WNT7B: variants seen among roughly 807,000 people sequenced by gnomAD.
WNT7B encodes Wnt family member 7B, also known as protein Wnt-7b.
WNT7B carries 19 observed loss-of-function variants against 38.2 expected under a neutral mutation model. The observed-to-expected ratio is 0.50, with a 90% CI of 0.35 to 0.73. The LOEUF (loss-of-function observed/expected upper bound fraction) is 0.73. WNT7B is among the 30% of genes least tolerant of loss of function. The pLI is 0.01. For synonymous variants in WNT7B, 243 were observed against 209.3 expected (o/e 1.16, Z -1.39); for missense variants, 423 against 507.9 (o/e 0.83, Z 1.61).
At chr22:45,973,151 C>A (rs572968775) in intron 1 of WNT7B, among the ~76,000 whole-genome samples, 73 of 152,348 alleles carry the variant, frequency 4.8e-4, no homozygotes, top group African/African-American at 1.8e-3. Flanking sequence ...TCTGGCTTCC[C>A]CATCCTGCTT....
intron 2 of WNT7B, among the ~76,000 whole-genome samples, chr22:45,941,724 T>C (rs1601725506): frequency 6.6e-6 from 1 of 152,208 alleles, no homozygotes; most frequent in Middle Eastern, 3.4e-3. Flanking sequence ...TGTCCCAGCA[T>C]TGCCCAGCCC....
At chr22:45,943,654 C>A (rs751654117) in intron 2 of WNT7B, among the ~76,000 whole-genome samples, 1 of 152,110 alleles carries the variant, frequency 6.6e-6, no homozygotes. Flanking sequence ...TGAGAGCCTG[C>A]GGGCTTCTCT....
chr22:45,924,820 G>C (rs1033342622), intron 3 of WNT7B, among the ~76,000 whole-genome samples: 4 of 150,200 alleles, frequency 2.7e-5, no homozygotes, highest in African/African-American at 2.5e-5. Flanking sequence ...GGGCCCAAAG[G>C]CTCATCAGGC....
At chr22:45,929,736 C>G (rs1931253982) in intron 3 of WNT7B, among the ~76,000 whole-genome samples, 1 of 136,482 alleles carries the variant, frequency 7.3e-6, no homozygotes, top group African/African-American at 2.8e-5. Flanking sequence ...ACCCATCCAC[C>G]CACCGATCCA....
intron 3 of WNT7B, among the ~76,000 whole-genome samples, chr22:45,930,457 G>GCGGCTGCTCCTCC (rs1931305857): frequency 1.3e-5 from 2 of 152,244 alleles, no homozygotes; most frequent in African/African-American, 4.8e-5. Context: ...TTGCCGCCGT[G>GCGGCTGCTCCTCC]CAGCTGCTCC....
At chr22:45,929,641 C>T (rs1931238959) in intron 3 of WNT7B, among the ~76,000 whole-genome samples, 2 of 91,906 alleles carry the variant, frequency 2.2e-5, no homozygotes, top group Non-Finnish European at 4.5e-5. Context: ...TCCATGCATC[C>T]ACTCATCCAT....
In WNT7B at chr22:45,966,039, C is replaced by G. The variant is rs747026839; in HGVS notation, c.71+10645G>C. ...CTGCACCCTGACCTCGTCTTCCTCA[C>G]TCCACCACCTACCAAGGCAGACGGG... On this transcript the variant is annotated intron_variant, in intron 1 of 3. Coordinates refer to ENST00000339464, the MANE Select transcript of WNT7B (RefSeq NM_058238.3). The surrounding 1 kb of genome is among the most constrained non-coding windows in gnomAD (Gnocchi z 4.2). Among the ~76,000 whole-genome samples the G allele has an allele frequency of 6.6e-6, 1 of 152,188 alleles. No homozygotes were observed. The highest frequency in any genetic ancestry group is 1.5e-5 in the Non-Finnish European group (1 of 68,032).
intron 1 of WNT7B, among the ~76,000 whole-genome samples, chr22:45,969,132 G>A (rs1932374330): frequency 1.3e-5 from 2 of 152,242 alleles, no homozygotes; most frequent in South Asian, 4.1e-4. Context: ...TGGGACTGTG[G>A]CTGGCACCGC....
At chr22:45,928,041 C>T (rs1931148636) in intron 3 of WNT7B, among the ~76,000 whole-genome samples, 2 of 152,206 alleles carry the variant, frequency 1.3e-5, no homozygotes, top group South Asian at 4.1e-4. Context: ...CCCCTGCTGC[C>T]TAGAGGGAGT....
intron 1 of WNT7B, chr22:45,972,359 G>A (rs1045880371): frequency 2.9e-6 from 1 of 347,816 alleles, no homozygotes; most frequent in African/African-American, 2.2e-5. Context: ...GCTAGGGGCC[G>A]GGTCTCGTGG....
intron 3 of WNT7B, 138 bp downstream of exon 3, chr22:45,930,960 G>A (rs1188581670): frequency 1.4e-5 from 17 of 1,209,392 alleles, no homozygotes; most frequent in Middle Eastern, 2.9e-4. Flanking sequence ...GCACGTGGAG[G>A]ACCCAGACGG....
At position 45,953,723 on chromosome 22, in the gene WNT7B, TAA is replaced by T. The variant is rs528714196; in HGVS notation, c.72-3579_72-3578del. On this transcript the variant is annotated intron_variant, in intron 1 of 3. Coordinates refer to ENST00000339464, the MANE Select transcript of WNT7B (RefSeq NM_058238.3). ...CACACCCACTAGGATGGCTATGATT[TAA>T]AAAAAAAAAAAAAAAGAAGAAGAAG... 1.7e-3 allele frequency among the ~76,000 whole-genome samples: 227 copies of T among 134,264 alleles called. 1 individual carries two copies. The highest frequency in any genetic ancestry group is 5.1e-3 in the African/African-American group (189 of 37,130). 88.1% of individuals were successfully genotyped at this position (134,264 alleles called of 152,430 possible).
In WNT7B at chr22:45,965,297, C is replaced by G. The variant is rs1169779327; in HGVS notation, c.71+11387G>C. ...CCTCATCACAGATGGCTTAGAGCTCCTGCTGTGGGTCCCACAGGGCTTTGT... is the reference window on the plus strand; with the variant it reads ...CCTCATCACAGATGGCTTAGAGCTCGTGCTGTGGGTCCCACAGGGCTTTGT... On this transcript the variant is annotated intron_variant, in intron 1 of 3. Coordinates refer to ENST00000339464, the MANE Select transcript of WNT7B (RefSeq NM_058238.3). The surrounding 1 kb of genome is among the most constrained non-coding windows in gnomAD (Gnocchi z 6.5). 3.3e-5 allele frequency among the ~76,000 whole-genome samples: 5 copies of G among 152,338 alleles called. No homozygotes were observed. The East Asian group carries it at 9.7e-4, about 29-fold the overall frequency.
At position 45,920,898 on chromosome 22, in the gene WNT7B, C is replaced by G. The variant is rs1930910200; in HGVS notation, c.*1958G>C. On this transcript the variant is annotated 3_prime_UTR_variant, in exon 4 of 4. Transcript: ENST00000339464. ...GCAGAGGCTGCCGGGCCTATGGACT[C>G]AGGTGTGTTCTGGGACTTGGGGAAG... is the stretch of plus-strand genomic sequence containing the variant. 1 of 152,194 alleles carries G rather than the reference C, an allele frequency of 6.6e-6. No individual in the cohort carries two copies. Among genetic ancestry groups the G allele is most frequent in the African/African-American group, 2.4e-5 (1 of 41,388 alleles). The allele number at this position is 152,194 out of a possible 1,614,324, so 9.4% of individuals were successfully genotyped here.
chr22:45,964,374 GC>G (rs1932265268), intron 1 of WNT7B, among the ~76,000 whole-genome samples: 1 of 152,144 alleles, frequency 6.6e-6, no homozygotes, highest in Non-Finnish European at 1.5e-5. Flanking sequence ...CAGTGATGGG[GC>G]CGAACAAGCG....
chr22:45,969,035 C>G (rs966197426), intron 1 of WNT7B, among the ~76,000 whole-genome samples: 1 of 152,226 alleles, frequency 6.6e-6, no homozygotes, highest in Non-Finnish European at 1.5e-5. Context: ...AGCCACGGGG[C>G]GCATCCTGTC....
At chr22:45,948,542 T>C (rs1931850823) in intron 2 of WNT7B, among the ~76,000 whole-genome samples, 1 of 152,230 alleles carries the variant, frequency 6.6e-6, no homozygotes, top group African/African-American at 2.4e-5. Flanking sequence ...AAGGACATGT[T>C]ATGCCCATGG....
intron 3 of WNT7B, among the ~76,000 whole-genome samples, chr22:45,930,890 C>T (rs1020877682): frequency 2.0e-5 from 3 of 152,188 alleles, no homozygotes; most frequent in African/African-American, 2.4e-5. Context: ...TTCAGAGCCT[C>T]GGCTCTCACA....
At chr22:45,936,891 T>C (rs1569114621) in intron 2 of WNT7B, among the ~76,000 whole-genome samples, 1 of 152,214 alleles carries the variant, frequency 6.6e-6, no homozygotes, top group Non-Finnish European at 1.5e-5. Flanking sequence ...AGGGCAAAGC[T>C]GGGGGCTGAG....
Sources: gnomAD v4.1 joint callset for allele counts (sites outside exome capture counted in the v4.1 genomes callset) on GRCh38, gnomAD v4.1.1 for gene constraint, Gnocchi (gnomAD v3.1) non-coding constraint, MANE v1.5 for transcripts, NCBI Gene and HGNC (gene_info 2026-07-23, HGNC 2026-07-21) for gene names.